The following ANKRD29 variants were observed in gnomAD, a reference collection of about 807,000 sequenced individuals.
ANKRD29 encodes ankyrin repeat domain-containing protein 29.
A neutral mutation model predicts 38.0 loss-of-function variants in ANKRD29; 32 were observed. The observed-to-expected ratio is 0.84, with a 90% CI of 0.64 to 1.13. The LOEUF is 1.13. Among genes scored for constraint, ANKRD29 ranks in the 50% most tolerant of loss-of-function variants. The pLI, the probability that ANKRD29 is intolerant of heterozygous loss-of-function variation, is 0.00. For missense variants in ANKRD29, 357 were observed against 377.9 expected (o/e 0.94, Z 0.46); for synonymous variants, 135 against 152.4 (o/e 0.89, Z 0.84).
intron 8 of ANKRD29, among the ~76,000 whole-genome samples, chr18:23,616,359 T>C (rs1568013408): frequency 6.7e-6 from 1 of 149,462 alleles, no homozygotes; most frequent in African/African-American, 2.5e-5. Context: ...TGAGACCCTA[T>C]CTCTACAACA....
At chr18:23,607,546 T>C (rs944904756) in intron 9 of ANKRD29, among the ~76,000 whole-genome samples, 3 of 152,146 alleles carry the variant, frequency 2.0e-5, no homozygotes, top group Non-Finnish European at 4.4e-5. Context: ...TCCATGAATG[T>C]CCATATCCTC....
chr18:23,641,744 C>A (rs149632011), intron 3 of ANKRD29, among the ~76,000 whole-genome samples: 7 of 152,030 alleles, frequency 4.6e-5, no homozygotes, highest in Non-Finnish European at 1.0e-4. Context: ...TCTGACTCAG[C>A]CAGATTCAAA....
chr18:23,650,521 C>CT (rs969303120), intron 1 of ANKRD29, among the ~76,000 whole-genome samples: 1 of 152,184 alleles, frequency 6.6e-6, no homozygotes, highest in Non-Finnish European at 1.5e-5. Context: ...AACAGGTCTT[C>CT]TAAATGGGTG....
intron 3 of ANKRD29, among the ~76,000 whole-genome samples, chr18:23,645,882 C>A (rs926366356): frequency 6.6e-6 from 1 of 152,042 alleles, no homozygotes; most frequent in Admixed American, 6.5e-5. Context: ...GCTATAAATC[C>A]TACAGTATCT....
chr18:23,619,682 G>C, intron 6 of ANKRD29, 53 bp from the exon 7 acceptor site: 1 of 1,451,278 alleles, frequency 6.9e-7, no homozygotes, highest in Non-Finnish European at 9.1e-7. Flanking sequence ...GGCCCCACCC[G>C]CTCACAGAAC....
At chr18:23,659,172 GGGTTTCACCACGTT>G (rs2060322976) in intron 1 of ANKRD29, among the ~76,000 whole-genome samples, 1 of 152,056 alleles carries the variant, frequency 6.6e-6, no homozygotes, top group South Asian at 2.1e-4. Context: ...AGTAGAGACG[GGGTTTCACCACGTT>G]GGCCAGGCTG....
intron 8 of ANKRD29, among the ~76,000 whole-genome samples, chr18:23,616,372 T>G (rs2059717857): frequency 6.7e-6 from 1 of 149,514 alleles, no homozygotes; most frequent in Admixed American, 6.7e-5. Flanking sequence ...CTACAACAAA[T>G]TTAAAAATTA....
rs1344339634 is a variant in ANKRD29 at position 23,630,923 on chromosome 18, G to T, written c.430-972C>A. ...TTGAGGTTACAGTGAGCCATGTTTG[G>T]GCCATTGCACTCCAGGCTTAGGGAA... On this transcript the variant is annotated intron_variant, in intron 5 of 9. Coordinates refer to ENST00000592179, the MANE Select transcript of ANKRD29 (RefSeq NM_173505.4). 1.4e-4 allele frequency among the ~76,000 whole-genome samples: 20 copies of T among 145,130 alleles called. 1 individual carries two copies. The highest frequency in any genetic ancestry group is 7.5e-5 in the Non-Finnish European group (5 of 66,868).
chr18:23,608,775 C>T (rs891376365), intron 9 of ANKRD29, among the ~76,000 whole-genome samples: 1 of 152,162 alleles, frequency 6.6e-6, no homozygotes, highest in African/African-American at 2.4e-5. Context: ...CCGAAAAGAC[C>T]CCCTTCTTGC....
chr18:23,654,204 T>A (rs931649358), intron 1 of ANKRD29, among the ~76,000 whole-genome samples: 54 of 151,690 alleles, frequency 3.6e-4, no homozygotes, highest in Admixed American at 8.5e-4. Flanking sequence ...AGGCGGAGGT[T>A]GCAGTGAGCC....
chr18:23,649,398 G>A, intron 1 of ANKRD29: 1 of 704,850 alleles, frequency 1.4e-6, no homozygotes. Context: ...TGGCTATGAA[G>A]AGCAGTGTTG....
chr18:23,656,424 T>C (rs1355127125), intron 1 of ANKRD29, among the ~76,000 whole-genome samples: 1 of 152,208 alleles, frequency 6.6e-6, no homozygotes, highest in Non-Finnish European at 1.5e-5. Flanking sequence ...GCCTAGGGCC[T>C]ATGAGTCTTT....
At chr18:23,649,442 C>T in intron 1 of ANKRD29, 3 of 686,254 alleles carry the variant, frequency 4.4e-6, no homozygotes, top group Non-Finnish European at 8.0e-6. Context: ...ACCTATTTCC[C>T]ACTAATGTTC....
rs2059925003 is a variant in ANKRD29, at chr18:23,631,014, G to C, written c.430-1063C>G. Among the ~76,000 whole-genome samples, 4 of 149,858 alleles carry C rather than the reference G, an allele frequency of 2.7e-5. No homozygotes were observed. In the South Asian group the frequency reaches 8.5e-4, roughly 32 times the overall value. On this transcript the variant is annotated intron_variant, in intron 5 of 9. Transcript: ENST00000592179. Reference sequence around the variant, plus strand: ...AAAGAAAAAAAAATTGAGAGTAAAAGGTGTCCTTTTAATTAGATCTTTCCT... The same window carrying C: ...AAAGAAAAAAAAATTGAGAGTAAAACGTGTCCTTTTAATTAGATCTTTCCT...
intron 8 of ANKRD29, among the ~76,000 whole-genome samples, chr18:23,616,596 T>TAC (rs1466426684): frequency 2.1e-5 from 3 of 139,812 alleles, no homozygotes; most frequent in East Asian, 2.0e-4. Flanking sequence ...ATATATATAC[T>TAC]ATATATACTA....
chr18:23,660,282 A>G (rs2060342472), intron 1 of ANKRD29, among the ~76,000 whole-genome samples: 1 of 152,158 alleles, frequency 6.6e-6, no homozygotes, highest in Non-Finnish European at 1.5e-5. Context: ...TTGTATTTGC[A>G]TTTCCAAGAC....
chr18:23,606,832 C>T (rs552078926), intron 9 of ANKRD29, among the ~76,000 whole-genome samples: 5 of 152,284 alleles, frequency 3.3e-5, no homozygotes, highest in African/African-American at 1.2e-4. Context: ...ACACTGCACT[C>T]CAGCCTGGGT....
intron 9 of ANKRD29, among the ~76,000 whole-genome samples, chr18:23,608,037 G>C (rs928573278): frequency 4.6e-5 from 7 of 152,194 alleles, no homozygotes; most frequent in African/African-American, 1.7e-4. Flanking sequence ...TGTACTAGCT[G>C]AGAAGTCACT....
chr18:23,629,988 T>C (rs1272537644), intron 5 of ANKRD29, 37 bp from the exon 6 acceptor site: 2 of 1,550,700 alleles, frequency 1.3e-6, no homozygotes, highest in South Asian at 2.3e-5. Flanking sequence ...AAAAACATTA[T>C]CTTTCACACT....
Sources: gnomAD v4.1 joint callset for allele counts (sites outside exome capture counted in the v4.1 genomes callset) on GRCh38, gnomAD v4.1.1 for gene constraint, MANE v1.5 for transcripts, NCBI Gene and HGNC (gene_info 2026-07-23, HGNC 2026-07-21) for gene names.